RANBP2: variants seen among roughly 807,000 people sequenced by gnomAD.
RANBP2 encodes E3 SUMO-protein ligase RanBP2.
Under a neutral mutation model 303.6 loss-of-function variants are expected in RANBP2, and 57 were observed. That is an observed-to-expected ratio of 0.19 (90% confidence interval 0.15 to 0.23). RANBP2 has a LOEUF of 0.23. Ranked by LOEUF, RANBP2 falls within the 10% of genes least tolerant of loss-of-function variation. RANBP2 has a pLI of 1.00. For missense variants in RANBP2, 3,138 were observed against 3,780.8 expected, an observed-to-expected ratio of 0.83 and a Z score of 4.46; for synonymous variants, 1,167 against 1,301.5, an observed-to-expected ratio of 0.90 and a Z score of 2.23.
chr2:109,481,622 T>G, the RANBP2 span, among the ~76,000 whole-genome samples: 49 of 152,312 alleles, frequency 3.2e-4, no homozygotes, highest in African/African-American at 1.1e-3. Context: ...CCACTCAGGC[T>G]GTGCTAATAG....
At chr2:109,255,239 C>T in the RANBP2 span, among the ~76,000 whole-genome samples, 1 of 152,154 alleles carries the variant, frequency 6.6e-6, no homozygotes, top group Non-Finnish European at 1.5e-5. Context: ...AATAGTGCAT[C>T]TAGGTTGGAA....
chr2:109,658,828 A>G, the RANBP2 span, among the ~76,000 whole-genome samples: 1 of 152,162 alleles, frequency 6.6e-6, no homozygotes, highest in Non-Finnish European at 1.5e-5. Context: ...GCACTTTGGG[A>G]GGCCAAGATG....
At chr2:108,807,306 G>T in the RANBP2 span, among the ~76,000 whole-genome samples, 2 of 152,028 alleles carry the variant, frequency 1.3e-5, no homozygotes, top group African/African-American at 2.4e-5. Flanking sequence ...CTATGGAAAG[G>T]AATTAAATTG....
chr2:108,851,064 C>T, the RANBP2 span, among the ~76,000 whole-genome samples: 1 of 152,098 alleles, frequency 6.6e-6, no homozygotes, highest in Non-Finnish European at 1.5e-5. Flanking sequence ...TTCCTACAAC[C>T]CCCTCTTTGG....
At chr2:109,359,897 A>G in the RANBP2 span, among the ~76,000 whole-genome samples, 1 of 152,160 alleles carries the variant, frequency 6.6e-6, no homozygotes, top group African/African-American at 2.4e-5. Flanking sequence ...TAGGCTGCAC[A>G]TGCCAATGGC....
chr2:109,465,885 G>A, the RANBP2 span, among the ~76,000 whole-genome samples: 6 of 152,030 alleles, frequency 3.9e-5, no homozygotes, highest in Non-Finnish European at 7.4e-5. Context: ...TAAACCATTC[G>A]TGAGAAATCT....
chr2:109,116,669 G>A, the RANBP2 span, among the ~76,000 whole-genome samples: 1 of 152,208 alleles, frequency 6.6e-6, no homozygotes, highest in Non-Finnish European at 1.5e-5. Context: ...TTCCATTGCT[G>A]GTGAGGAACT....
the RANBP2 span, among the ~76,000 whole-genome samples, chr2:109,422,470 T>C: frequency 6.6e-6 from 1 of 152,156 alleles, no homozygotes; most frequent in African/African-American, 2.4e-5. Context: ...GTGAAAGGCT[T>C]CCCTGGCATG....
intron 17 of RANBP2, among the ~76,000 whole-genome samples, chr2:108,757,677 C>T (rs1834791): frequency 5.9e-5 from 9 of 152,076 alleles, no homozygotes; most frequent in Admixed American, 1.3e-4. Context: ...GATTGCAGTG[C>T]AGAAAGAACA....
intron 15 of RANBP2, among the ~76,000 whole-genome samples, 179 bp from the exon 16 acceptor site, chr2:108,754,726 A>G (rs1676161849): frequency 1.3e-5 from 2 of 151,602 alleles, no homozygotes; most frequent in African/African-American, 4.9e-5. Flanking sequence ...TAATAATAAT[A>G]CAAAACAACA....
chr2:109,691,928 G>A, the RANBP2 span, among the ~76,000 whole-genome samples: 12 of 151,958 alleles, frequency 7.9e-5, no homozygotes, highest in East Asian at 9.7e-4. Flanking sequence ...GATTACAGGC[G>A]CCCGCCACCG....
the RANBP2 span, among the ~76,000 whole-genome samples, chr2:109,500,194 G>A: frequency 6.6e-6 from 1 of 152,164 alleles, no homozygotes; most frequent in Admixed American, 6.5e-5. Context: ...TGAGCTGTTA[G>A]AAGCTATGTT....
At chr2:109,720,074 G>GT in the RANBP2 span, among the ~76,000 whole-genome samples, 1 of 152,094 alleles carries the variant, frequency 6.6e-6, no homozygotes, top group African/African-American at 2.4e-5. Context: ...GCCAGCTAAA[G>GT]TCAGCTGCTC....
the RANBP2 span, among the ~76,000 whole-genome samples, chr2:109,195,506 G>A: frequency 6.6e-6 from 1 of 152,120 alleles, no homozygotes; most frequent in South Asian, 2.1e-4. Context: ...GCTTTATTTT[G>A]GAAACCTACG....
chr2:109,543,585 T>G, the RANBP2 span: 1 of 152,320 alleles, frequency 6.6e-6, no homozygotes, highest in East Asian at 1.9e-4. Context: ...CCCCAAAATT[T>G]TTAGCATATA....
the RANBP2 span, chr2:109,565,654 C>T: frequency 1.0e-6 from 1 of 975,500 alleles, no homozygotes; most frequent in East Asian, 2.4e-5. Context: ...GCCAATTCCT[C>T]TGACAACCAA....
At chr2:109,653,535 C>A in the RANBP2 span, among the ~76,000 whole-genome samples, 1 of 152,098 alleles carries the variant, frequency 6.6e-6, no homozygotes, top group Non-Finnish European at 1.5e-5. Flanking sequence ...GATCAGAAAG[C>A]CCATTTTATA....
chr2:109,201,408 C>G, the RANBP2 span, among the ~76,000 whole-genome samples: 1 of 152,198 alleles, frequency 6.6e-6, no homozygotes, highest in Non-Finnish European at 1.5e-5. Flanking sequence ...TCCCGGATCT[C>G]TCTGTCTCCA....
At chr2:108,742,374 G>C (rs1696180775) in intron 7 of RANBP2, among the ~76,000 whole-genome samples, 1 of 152,056 alleles carries the variant, frequency 6.6e-6, no homozygotes, top group African/African-American at 2.4e-5. Flanking sequence ...CGCAATCTCA[G>C]CTCACTGCAA....
Sources: allele counts gnomAD v4.1 joint callset (sites outside exome capture counted in the v4.1 genomes callset), GRCh38; gene constraint gnomAD v4.1.1; transcripts MANE v1.5; gene names NCBI Gene and HGNC (gene_info 2026-07-23, HGNC 2026-07-21).